The following DPP6 variants were observed in gnomAD, a reference collection of about 807,000 sequenced individuals.
DPP6 encodes the protein A-type potassium channel modulatory protein DPP6.
A neutral mutation model predicts 122.6 loss-of-function variants in DPP6; 69 were observed. That is an observed-to-expected ratio of 0.56 (90% CI 0.46 to 0.69). The LOEUF is 0.69. DPP6 is among the 30% of genes least tolerant of loss of function. The pLI is 0.00. For missense variants in DPP6, 928 were observed against 1,116.9 expected, an observed-to-expected ratio of 0.83 and a Z score of 2.41; for synonymous variants, 418 against 433.1, an observed-to-expected ratio of 0.97 and a Z score of 0.43.
intron 7 of DPP6, among the ~76,000 whole-genome samples, chr7:154,680,508 G>A (rs6976030): frequency 0.11 from 16,191 of 152,116 alleles, 937 homozygotes; most frequent in East Asian, 0.15. Context: ...CTGCATGGGA[G>A]CATGGAGCAT....
intron 8 of DPP6, among the ~76,000 whole-genome samples, chr7:154,752,994 G>C (rs1587029421): frequency 6.6e-6 from 1 of 152,134 alleles, no homozygotes; most frequent in African/African-American, 2.4e-5. Context: ...TCCTGCTGGG[G>C]TTGTGTTTCT....
intron 6 of DPP6, among the ~76,000 whole-genome samples, chr7:154,662,277 C>T (rs1425989653): frequency 2.6e-5 from 4 of 151,712 alleles, no homozygotes; most frequent in Non-Finnish European, 5.9e-5. Flanking sequence ...CATGGTGAAT[C>T]AGCATGGCAT....
chr7:154,650,712 C>G lies in DPP6; in HGVS notation c.680+12839C>G, dbSNP rs867345490. Among the ~76,000 whole-genome samples, 5 of 152,098 alleles carry G rather than the reference C, an allele frequency of 3.3e-5. No individual in the cohort carries two copies. The South Asian group carries it at 1.0e-3, about 32-fold the overall frequency. On this transcript the variant is annotated intron_variant, in intron 6 of 25. Coordinates refer to ENST00000377770, the MANE Select transcript of DPP6 (RefSeq NM_130797.4). ...CCCAAGGGCAGTGCTGACATGCAGC[C>G]TGCCACTGTGGCCACAGCACTCGGG... is the stretch of plus-strand genomic sequence containing the variant.
intron 18 of DPP6, among the ~76,000 whole-genome samples, chr7:154,869,439 TG>T (rs999470356): frequency 6.6e-6 from 1 of 152,266 alleles, no homozygotes; most frequent in Non-Finnish European, 1.5e-5. Context: ...GAGACTGGGC[TG>T]GGGACATGTG....
At position 154,396,946 on chromosome 7, in the gene DPP6, A is replaced by C. The variant is rs187493428; in HGVS notation, c.244-49268A>C. 4.2e-3 allele frequency among the ~76,000 whole-genome samples: 639 copies of C among 152,314 alleles called. 2 individuals carry two copies. The highest frequency in any genetic ancestry group is 7.0e-3 in the Non-Finnish European group (476 of 68,028). ...GGCGACAGAGCAACACTCCATCTCAAAAACAAAAAAAGTACTCTTTTTTTG... is the reference window on the plus strand; with the variant it reads ...GGCGACAGAGCAACACTCCATCTCACAAACAAAAAAAGTACTCTTTTTTTG... On this transcript the variant is annotated intron_variant, in intron 1 of 25. Transcript: ENST00000377770.
chr7:153,834,056 A>G, the DPP6 span, among the ~76,000 whole-genome samples: 1 of 152,096 alleles, frequency 6.6e-6, no homozygotes, highest in Non-Finnish European at 1.5e-5. Context: ...GGAGGCCGAG[A>G]TGGGTGGATC....
At chr7:154,216,434 C>T (rs778569118) in intron 1 of DPP6, among the ~76,000 whole-genome samples, 15 of 152,146 alleles carry the variant, frequency 9.9e-5, no homozygotes, top group African/African-American at 1.2e-4. Context: ...TTGAGGTATG[C>T]GGAAGGGCCA....
At chr7:154,352,579 A>G (rs954753153) in intron 1 of DPP6, among the ~76,000 whole-genome samples, 2 of 152,180 alleles carry the variant, frequency 1.3e-5, no homozygotes, top group Non-Finnish European at 2.9e-5. Context: ...ACAGGAACAG[A>G]AAACCAAAGA....
intron 1 of DPP6, among the ~76,000 whole-genome samples, chr7:154,412,380 C>A (rs369880511): frequency 3.3e-5 from 5 of 152,138 alleles, no homozygotes; most frequent in South Asian, 4.1e-4. Flanking sequence ...CTTGCAGAGG[C>A]CAGCTTCTGG....
intron 1 of DPP6, among the ~76,000 whole-genome samples, chr7:154,333,052 G>T (rs577599099): frequency 6.6e-6 from 1 of 152,254 alleles, no homozygotes; most frequent in Admixed American, 6.5e-5. Context: ...GCCAGCTCCC[G>T]TCTCAGAGAA....
intron 1 of DPP6, among the ~76,000 whole-genome samples, chr7:154,025,287 A>T (rs1798911764): frequency 7.4e-6 from 1 of 135,862 alleles, no homozygotes; most frequent in Non-Finnish European, 1.5e-5. Flanking sequence ...TTGTATGTTG[A>T]ATTGGAAAGA....
intron 7 of DPP6, among the ~76,000 whole-genome samples, chr7:154,711,567 T>A (rs1266464243): frequency 3.3e-5 from 5 of 152,232 alleles, no homozygotes; most frequent in African/African-American, 1.2e-4. Context: ...TGAAGGAAAT[T>A]GCATTAAACA....
chr7:154,219,504 A>G (rs577329974), intron 1 of DPP6, among the ~76,000 whole-genome samples: 2 of 152,272 alleles, frequency 1.3e-5, no homozygotes, highest in East Asian at 1.9e-4. Flanking sequence ...ACTGAAGCTT[A>G]CCCATTGAAG....
Position 154,887,881 on chromosome 7 carries a change from G to C in DPP6, c.2304+147G>C. 5.3e-6 allele frequency: 5 copies of C among 943,466 alleles called. No homozygotes were observed. In the South Asian group the frequency reaches 6.6e-5, roughly 13 times the overall value. 58.4% of individuals were successfully genotyped at this position (943,466 alleles called of 1,614,324 possible). ...CACCAAAGCCCACTCAGAAACCTCC[G>C]AAGGATCATTCCACCAGAGAGTGGA... On this transcript the variant is annotated intron_variant, in intron 23 of 25. Coordinates refer to ENST00000377770, the MANE Select transcript of DPP6 (RefSeq NM_130797.4).
chr7:154,640,252 A>AAC (rs1835987749), intron 6 of DPP6, among the ~76,000 whole-genome samples: 1 of 151,782 alleles, frequency 6.6e-6, no homozygotes, highest in Admixed American at 6.6e-5. Context: ...GACTCTGTCA[A>AAC]ACAAAAACAA....
intron 1 of DPP6, among the ~76,000 whole-genome samples, chr7:154,218,128 G>T (rs1800104965): frequency 6.6e-6 from 1 of 152,178 alleles, no homozygotes; most frequent in Non-Finnish European, 1.5e-5. Context: ...CTGTGCATGT[G>T]CTGAGATGGA....
chr7:154,534,518 A>T (rs2130162866), intron 3 of DPP6, among the ~76,000 whole-genome samples: 1 of 152,312 alleles, frequency 6.6e-6, no homozygotes, highest in Non-Finnish European at 1.5e-5. Flanking sequence ...TAGAACAAAA[A>T]AGTGCATTGA....
chr7:154,388,383 T>C (rs528810799), intron 1 of DPP6, among the ~76,000 whole-genome samples: 6 of 152,330 alleles, frequency 3.9e-5, no homozygotes, highest in Admixed American at 3.3e-4. Context: ...TTTGAAGACA[T>C]TGACTTTCAA....
At chr7:154,303,555 A>C (rs938095463) in intron 1 of DPP6, among the ~76,000 whole-genome samples, 6 of 152,126 alleles carry the variant, frequency 3.9e-5, no homozygotes, top group African/African-American at 1.4e-4. Flanking sequence ...GGTTCCTAGC[A>C]TCCCAGGAGG....
Sources: allele counts gnomAD v4.1 joint callset (sites outside exome capture counted in the v4.1 genomes callset), GRCh38; gene constraint gnomAD v4.1.1; transcripts MANE v1.5; gene names NCBI Gene and HGNC (gene_info 2026-07-23, HGNC 2026-07-21).